ANK3: variants seen among roughly 807,000 people sequenced by gnomAD.
ANK3 encodes ankyrin-3.
In ANK3, 57 loss-of-function variants were observed where a neutral mutation model predicts 370.9. The ratio of observed to expected loss-of-function variants is 0.15; its 90% CI spans 0.12 to 0.19. The LOEUF is 0.19. Among genes scored for constraint, ANK3 ranks in the 10% least tolerant of loss-of-function variants. The pLI, the probability that ANK3 is intolerant of heterozygous loss-of-function variation, is 1.00. For missense variants in ANK3, 4,439 were observed against 5,302.1 expected (o/e 0.84, Z 5.06); for synonymous variants, 1,929 against 1,946.3 (o/e 0.99, Z 0.23).
At chr10:60,077,122 T>C (rs1251478931) in intron 36 of ANK3, among the ~76,000 whole-genome samples, 1 of 152,182 alleles carries the variant, frequency 6.6e-6, no homozygotes, top group African/African-American at 2.4e-5. Flanking sequence ...GTATCTCCCA[T>C]GCACAGTTCG....
intron 8 of ANK3, among the ~76,000 whole-genome samples, chr10:60,216,677 C>T (rs923229126): frequency 1.4e-4 from 21 of 152,084 alleles, no homozygotes; most frequent in Non-Finnish European, 4.4e-5. Flanking sequence ...CAGTATTTTA[C>T]TGAGGATTTT....
chr10:60,579,240 G>A (rs1204754879), intron 2 of ANK3, among the ~76,000 whole-genome samples: 1 of 149,224 alleles, frequency 6.7e-6, no homozygotes, highest in African/African-American at 2.5e-5. Context: ...CAGGAGAATC[G>A]CTTGAACCTG....
chr10:60,487,777 C>T (rs377558429), intron 2 of ANK3, among the ~76,000 whole-genome samples: 136 of 151,440 alleles, frequency 9.0e-4, no homozygotes, highest in African/African-American at 2.7e-3. Flanking sequence ...TGCCATAGCG[C>T]GATCTCGGCT....
intron 7 of ANK3, among the ~76,000 whole-genome samples, chr10:60,237,358 A>T (rs1417906772): frequency 6.6e-6 from 1 of 152,184 alleles, no homozygotes; most frequent in Non-Finnish European, 1.5e-5. Context: ...CTGAGCCCCA[A>T]GTGGGACGTG....
chr10:60,203,935 T>G (rs530535107), intron 11 of ANK3, among the ~76,000 whole-genome samples: 2 of 152,220 alleles, frequency 1.3e-5, no homozygotes, highest in Non-Finnish European at 2.9e-5. Flanking sequence ...CCATTTTAAA[T>G]TTTTCAGTTT....
chr10:60,326,623 A>C (rs543231174), intron 1 of ANK3, among the ~76,000 whole-genome samples: 200 of 152,200 alleles, frequency 1.3e-3, no homozygotes, highest in African/African-American at 4.7e-3. Context: ...TGTTCTCTAA[A>C]TGATCAGCCA....
rs551400665 is a variant in ANK3 at position 60,622,587 on chromosome 10, G to T, written c.58-7363C>A. Among the ~76,000 whole-genome samples the T allele has an allele frequency of 1.2e-4, 19 of 152,238 alleles. No individual in the cohort carries two copies. The East Asian group carries it at 1.4e-3, about 11-fold the overall frequency. ...TCTAAGAGAGAAACTGAGGACAGGA[G>T]CTACTGTTGTCTTGTTTACCACTGT... is the stretch of plus-strand genomic sequence containing the variant. On this transcript the variant is annotated intron_variant, in intron 1 of 43. Coordinates refer to the ANK3 transcript ENST00000373827.
chr10:60,201,753 C>G (rs2096679956), intron 12 of ANK3, among the ~76,000 whole-genome samples: 1 of 148,066 alleles, frequency 6.8e-6, no homozygotes, highest in Non-Finnish European at 1.5e-5. Context: ...ACTCTGTTGC[C>G]CAGTCTAGAG....
intron 26 of ANK3, 59 bp from the exon 27 acceptor site, chr10:60,109,113 G>T: frequency 7.4e-7 from 1 of 1,356,134 alleles, no homozygotes; most frequent in Non-Finnish European, 1.0e-6. Flanking sequence ...CTCACAGCAA[G>T]TTTGGAAATT....
In ANK3 at chr10:60,072,975, G is replaced by A. The variant is rs1010595640; in HGVS notation, c.7906C>T (p.Leu2636=). 6.2e-7 allele frequency: 1 copy of A among 1,614,130 alleles called. No homozygotes were observed. The part of the protein sequence containing the change: ...PTSSSPEKVL[L]TELLASNDEW... ...TCATTGGATGCCAGCAGTTCTGTCA[G>A]TAGCACTTTCTCAGGGCTGCTACTG... Residue 2636 remains leucine, a synonymous_variant, in exon 37 of 44, where the codon CTG becomes TTG. Transcript: ENST00000280772.
intron 2 of ANK3, among the ~76,000 whole-genome samples, chr10:60,531,139 G>A (rs959460471): frequency 6.6e-6 from 1 of 152,054 alleles, no homozygotes; most frequent in Non-Finnish European, 1.5e-5. Context: ...TTGGGTGGCT[G>A]CTTGTTATTT....
intron 1 of ANK3, among the ~76,000 whole-genome samples, chr10:60,282,102 T>C (rs12413770): frequency 0.096 from 14,569 of 152,252 alleles, 840 homozygotes; most frequent in South Asian, 0.17. Flanking sequence ...GCCTGTTCAA[T>C]GACTTATCAG....
At chr10:60,233,735 C>G (rs1351973927) in intron 8 of ANK3, among the ~76,000 whole-genome samples, 1 of 152,126 alleles carries the variant, frequency 6.6e-6, no homozygotes, top group Non-Finnish European at 1.5e-5. Flanking sequence ...GTGGGCCCAG[C>G]CTTTAAAAAT....
chr10:60,083,127 G>A lies in ANK3; in HGVS notation c.4200+365C>T, dbSNP rs16914730. 3.4e-3 allele frequency among the ~76,000 whole-genome samples: 516 copies of A among 152,130 alleles called. 5 individuals are homozygous for A. Among genetic ancestry groups the A allele is most frequent in the East Asian group, 0.033 (172 of 5,166 alleles). On this transcript the variant is annotated intron_variant, in intron 33 of 43. Coordinates refer to ENST00000280772, the MANE Select transcript of ANK3 (RefSeq NM_020987.5). ...AGAGAGAAGGTGATCCCTCTAGAACGTCCCTGGGCTCCACCAGAAATGAAA... is the reference window on the plus strand; with the variant it reads ...AGAGAGAAGGTGATCCCTCTAGAACATCCCTGGGCTCCACCAGAAATGAAA...
intron 2 of ANK3, among the ~76,000 whole-genome samples, chr10:60,521,131 CTTATT>C: frequency 6.6e-6 from 1 of 151,952 alleles, no homozygotes; most frequent in South Asian, 2.1e-4. Context: ...AATTATGGAC[CTTATT>C]TTATTTACTG....
At chr10:60,520,141 T>C (rs1333276071) in intron 2 of ANK3, among the ~76,000 whole-genome samples, 1 of 152,134 alleles carries the variant, frequency 6.6e-6, no homozygotes, top group Non-Finnish European at 1.5e-5. Flanking sequence ...GCAACATGGA[T>C]GCAGCTGAAG....
At chr10:60,202,930 A>G in intron 12 of ANK3, 72 bp downstream of exon 12, 2 of 1,051,958 alleles carry the variant, frequency 1.9e-6, no homozygotes, top group Non-Finnish European at 2.8e-6. Context: ...AAATAAAAAA[A>G]GTAGATAAAA....
chr10:60,076,565 A>G, intron 36 of ANK3, 117 bp from the exon 37 acceptor site: 1 of 1,330,280 alleles, frequency 7.5e-7, no homozygotes, highest in Admixed American at 3.2e-5. Flanking sequence ...AAAAGCAAGT[A>G]CAATTGTTTG....
intron 2 of ANK3, among the ~76,000 whole-genome samples, chr10:60,408,855 C>T (rs1757395624): frequency 6.6e-6 from 1 of 152,094 alleles, no homozygotes; most frequent in South Asian, 2.1e-4. Flanking sequence ...CTCAGCCAGG[C>T]TTTTATATGA....
Sources: gnomAD v4.1 joint callset for allele counts (sites outside exome capture counted in the v4.1 genomes callset) on GRCh38, gnomAD v4.1.1 for gene constraint, MANE v1.5 for transcripts, NCBI Gene and HGNC (gene_info 2026-07-23, HGNC 2026-07-21) for gene names.